Variants in GCN1 observed in about 807,000 individuals in gnomAD.
The protein encoded by GCN1 is GCN1 activator of EIF2AK4.
Under a neutral mutation model 288.4 loss-of-function variants are expected in GCN1, and 90 were observed. The observed-to-expected ratio is 0.31, with a 90% confidence interval of 0.26 to 0.37. The LOEUF (loss-of-function observed/expected upper bound fraction) is 0.37, where lower values mean the gene tolerates loss of function less well. Among genes scored for constraint, GCN1 ranks in the 10% least tolerant of loss-of-function variants. The pLI, the probability that GCN1 is intolerant of heterozygous loss-of-function variation, is 1.00. For synonymous variants in GCN1, 1,386 were observed against 1,420.2 expected (o/e 0.98, Z 0.54); for missense variants, 2,586 against 3,419.9 (o/e 0.76, Z 6.08).
At chr12:120,185,624 G>T (rs993712030) in intron 2 of GCN1, among the ~76,000 whole-genome samples, 1 of 152,068 alleles carries the variant, frequency 6.6e-6, no homozygotes, top group Non-Finnish European at 1.5e-5. Flanking sequence ...TTTTTCAGAC[G>T]GAGTCTCACT....
At chr12:120,182,993 C>G (rs1464966864) in intron 5 of GCN1, among the ~76,000 whole-genome samples, 1 of 151,242 alleles carries the variant, frequency 6.6e-6, no homozygotes, top group Non-Finnish European at 1.5e-5. Flanking sequence ...CTCCTCATGA[C>G]CTACACTAAG....
intron 54 of GCN1, among the ~76,000 whole-genome samples, chr12:120,131,661 T>C (rs1314696193): frequency 1.3e-5 from 2 of 152,238 alleles, no homozygotes; most frequent in Non-Finnish European, 2.9e-5. Flanking sequence ...TCGCCCAGGC[T>C]AGAGTGCAGG....
intron 45 of GCN1, among the ~76,000 whole-genome samples, chr12:120,139,337 T>C (rs1470381606): frequency 6.9e-6 from 1 of 144,272 alleles, no homozygotes; most frequent in Non-Finnish European, 1.5e-5. Context: ...AATTAAAAAG[T>C]AGAGAGGGGC....
chr12:120,170,882 C>T (rs1348147880), intron 14 of GCN1, among the ~76,000 whole-genome samples: 1 of 151,852 alleles, frequency 6.6e-6, no homozygotes, highest in African/African-American at 2.4e-5. Flanking sequence ...AAAAGGAAGC[C>T]AAGCACAGTG....
At position 120,134,236 on chromosome 12, in the gene GCN1, A is replaced by T; in HGVS notation, c.7317+55T>A. ...ACAAAGTGAAGAACTCAACCTAAGG[A>T]GGAGGAGGGAAACCAGTGGTCCAGT... On this transcript the variant is annotated intron_variant, in intron 53 of 57. Coordinates refer to ENST00000300648, the MANE Select transcript of GCN1 (RefSeq NM_006836.2). The surrounding 1 kb of genome is among the most constrained non-coding windows in gnomAD (Gnocchi z 5.0). 1 of 1,159,146 alleles carries T rather than the reference A, an allele frequency of 8.6e-7. No homozygotes were observed. The highest frequency in any genetic ancestry group is 1.3e-6 in the Non-Finnish European group (1 of 768,288). 71.8% of individuals were successfully genotyped at this position (1,159,146 alleles called of 1,614,324 possible). A position where few individuals can be genotyped will look rare whatever the true frequency, so the allele number is the denominator to read the frequency against.
intron 15 of GCN1, among the ~76,000 whole-genome samples, chr12:120,169,069 G>A (rs1313836374): frequency 1.3e-5 from 2 of 152,154 alleles, no homozygotes; most frequent in East Asian, 1.9e-4. Context: ...GCTGAGGTGG[G>A]TGGATCACAA....
At chr12:120,175,709 G>A (rs1303505769) in intron 11 of GCN1, 37 bp downstream of exon 11, 25 of 1,592,064 alleles carry the variant, frequency 1.6e-5, no homozygotes, top group African/African-American at 2.7e-5. Flanking sequence ...CAGGGGCCAC[G>A]CCTCAACCAC....
In GCN1 at chr12:120,178,652, C is replaced by T. The variant is rs1261823214; in HGVS notation, c.633G>A (p.Lys211=). Residue 211 remains lysine, a synonymous_variant, in exon 7 of 58, where the codon AAG becomes AAA. Transcript: ENST00000300648. ...GLLVQFCTSH[K]EMDVVSQHKS... is the part of the protein sequence containing the mutation. Reference sequence around the variant, plus strand: ...TGTGCTGACTGACCACGTCCATCTCCTTGTGACTCGTGCAGAACTGCACCA... The same window carrying T: ...TGTGCTGACTGACCACGTCCATCTCTTTGTGACTCGTGCAGAACTGCACCA... 6.2e-7 allele frequency: 1 copy of T among 1,614,126 alleles called. No individual in the cohort carries two copies. The highest frequency in any genetic ancestry group is 2.2e-5 in the East Asian group (1 of 44,900).
intron 45 of GCN1, among the ~76,000 whole-genome samples, chr12:120,140,048 A>G (rs193279483): frequency 6.6e-6 from 1 of 152,218 alleles, no homozygotes; most frequent in Non-Finnish European, 1.5e-5. Context: ...ATGAATCACA[A>G]CTCTTTCTGA....
intron 1 of GCN1, among the ~76,000 whole-genome samples, chr12:120,193,520 G>C (rs927891187): frequency 6.6e-6 from 1 of 152,160 alleles, no homozygotes; most frequent in African/African-American, 2.4e-5. Context: ...GGTCAGACTA[G>C]TCTCAAACTC....
intron 36 of GCN1, 23 bp downstream of exon 36, chr12:120,149,583 A>G: frequency 6.6e-7 from 1 of 1,518,594 alleles, no homozygotes; most frequent in South Asian, 1.1e-5. Context: ...AGCTGGGAAG[A>G]GAGGCAGAGC....
chr12:120,164,905 CAGTAA>C (rs1419394537), intron 16 of GCN1, among the ~76,000 whole-genome samples, 184 bp from the exon 17 acceptor site: 21 of 146,566 alleles, frequency 1.4e-4, no homozygotes, highest in African/African-American at 4.3e-4. Flanking sequence ...ATTTTGGAAT[CAGTAA>C]AGTATATACT....
chr12:120,142,051 G>A lies in GCN1; in HGVS notation c.5829+456C>T, dbSNP rs1594263399. 1.3e-5 allele frequency among the ~76,000 whole-genome samples: 2 copies of A among 152,318 alleles called. No homozygotes were observed. Among genetic ancestry groups the A allele is most frequent in the Admixed American group, 6.5e-5 (1 of 15,298 alleles). ...GCTAATAAATATTTGCAGAGGCCAG[G>A]CGTGGTGGCTCAAGCCTGTAATCCC... On this transcript the variant is annotated intron_variant, in intron 44 of 57. Transcript: ENST00000300648. This position sits in a 1 kb window ranked among gnomAD's most constrained non-coding sequence, Gnocchi z 4.9.
At chr12:120,183,203 A>G (rs1480680421) in intron 5 of GCN1, among the ~76,000 whole-genome samples, 2 of 152,140 alleles carry the variant, frequency 1.3e-5, no homozygotes, top group Non-Finnish European at 2.9e-5. Context: ...CAGCCAGAAA[A>G]ACACCAAGAG....
intron 55 of GCN1, 57 bp downstream of exon 55, chr12:120,131,128 A>T: frequency 6.5e-7 from 1 of 1,543,508 alleles, no homozygotes; most frequent in Non-Finnish European, 8.9e-7. Context: ...CTGTGTCCAC[A>T]AGGTGCTGCC....
intron 9 of GCN1, 82 bp downstream of exon 9, chr12:120,177,365 C>T: frequency 1.4e-6 from 1 of 719,978 alleles, no homozygotes; most frequent in South Asian, 1.7e-5. Context: ...CCCTACCACA[C>T]ACACTTCTTG....
At position 120,175,184 on chromosome 12, in the gene GCN1, G is replaced by A; in HGVS notation, c.1071C>T (p.Ala357=). 4.3e-6 allele frequency: 7 copies of A among 1,611,082 alleles called. No homozygotes were observed. The highest frequency in any genetic ancestry group is 2.7e-5 in the African/African-American group (2 of 74,766). ...GGSEGKLTVV[A]QKMSVLSGIG... ...TACCTGAGAGGACGCTCATCTTCTG[G>A]GCTACAACAGTTAGTTTTCCTTCCG... is the stretch of plus-strand genomic sequence containing the variant. Residue 357 remains alanine, a synonymous_variant, in exon 12 of 58, where the codon GCC becomes GCT. Transcript: ENST00000300648.
intron 51 of GCN1, among the ~76,000 whole-genome samples, chr12:120,135,634 A>G (rs1876977980): frequency 6.6e-6 from 1 of 151,804 alleles, no homozygotes; most frequent in African/African-American, 2.4e-5. Context: ...AAGTGCTGGG[A>G]TTACAGGCTT....
rs1040673742 is a variant in GCN1 at position 120,134,842 on chromosome 12, T to C, written c.7009-116A>G. 2.3e-6 allele frequency: 2 copies of C among 868,016 alleles called. No individual in the cohort carries two copies. The highest frequency in any genetic ancestry group is 3.5e-4 in the Middle Eastern group (1 of 2,882). 53.8% of individuals were successfully genotyped at this position (868,016 alleles called of 1,614,324 possible). A position where few individuals can be genotyped will look rare whatever the true frequency, so the allele number is the denominator to read the frequency against. ...ACCACCACAGCGAGTCCAGCTCTCA[T>C]ACAGGGCTGGGGACAGATAGCCCGT... On this transcript the variant is annotated intron_variant, in intron 51 of 57. Transcript: ENST00000300648. This position sits in a 1 kb window ranked among gnomAD's most constrained non-coding sequence, Gnocchi z 5.0.
Sources: gnomAD v4.1 joint callset for allele counts (sites outside exome capture counted in the v4.1 genomes callset) on GRCh38, gnomAD v4.1.1 for gene constraint, Gnocchi (gnomAD v3.1) non-coding constraint, MANE v1.5 for transcripts, NCBI Gene and HGNC (gene_info 2026-07-23, HGNC 2026-07-21) for gene names.